CACNA1G: variants seen among roughly 807,000 people sequenced by gnomAD.
CACNA1G encodes the protein voltage-dependent T-type calcium channel subunit alpha-1G.
Under a neutral mutation model 219.4 loss-of-function variants are expected in CACNA1G, and 67 were observed. The observed-to-expected ratio is 0.31, with a 90% CI of 0.25 to 0.37. CACNA1G has a LOEUF of 0.37. Among genes scored for constraint, CACNA1G ranks in the 10% least tolerant of loss-of-function variants. The pLI, the probability that CACNA1G is intolerant of heterozygous loss-of-function variation, is 1.00. For synonymous variants in CACNA1G, 1,296 were observed against 1,345.3 expected (o/e 0.96, Z 0.80); for missense variants, 2,380 against 3,231.4 (o/e 0.74, Z 6.39).
intron 26 of CACNA1G, among the ~76,000 whole-genome samples, chr17:50,613,948 C>T (rs1038367163): frequency 1.2e-4 from 19 of 152,312 alleles, no homozygotes; most frequent in Middle Eastern, 3.4e-3. Flanking sequence ...CCACAGTTGG[C>T]TGGCCGATCT....
chr17:50,614,961 C>T (rs9898699), intron 26 of CACNA1G, among the ~76,000 whole-genome samples: 68,774 of 152,088 alleles, frequency 0.45, 16,769 homozygotes, highest in East Asian at 0.93. Context: ...TTTGCCTCCC[C>T]GTTGATGGCG....
chr17:50,626,408 A>C lies in CACNA1G; in HGVS notation c.6791A>C (p.Glu2264Ala). Residue 2264 changes from glutamate (E) to alanine (A), a missense_variant, in exon 38 of 38, where the codon GAG becomes GCG. By Grantham distance (107) the Glu-to-Ala change is moderately radical. Transcript: ENST00000359106. The surrounding 1 kb of genome is among the most constrained non-coding windows in gnomAD (Gnocchi z 4.3). Reference protein sequence around the residue: ...CQRRPTSWLDEQRRHSIAVSC... With the variant: ...CQRRPTSWLDAQRRHSIAVSC... ...CGCCGGCCTACGTCCTGGCTGGATG[A>C]GCAGAGGAGACACTCTATCGCCGTC... 6.2e-7 allele frequency: 1 copy of C among 1,610,874 alleles called. No homozygotes were observed.
chr17:50,592,300 T>C (rs978881567), intron 13 of CACNA1G, among the ~76,000 whole-genome samples: 1 of 152,092 alleles, frequency 6.6e-6, no homozygotes, highest in Admixed American at 6.5e-5. Context: ...GGGTGGTTGT[T>C]TGGGGTCCCT....
In CACNA1G at chr17:50,578,287, C is replaced by A. The variant is rs147741844; in HGVS notation, c.2024C>A (p.Ala675Glu). 6.3e-5 allele frequency: 101 copies of A among 1,613,022 alleles called. 1 individual carries two copies. The East Asian group carries it at 2.2e-3, about 35-fold the overall frequency. Residue 675 changes from alanine (A) to glutamate (E), a missense_variant, in exon 9 of 38, where the codon GCA (alanine) becomes GAA (glutamate). Around this residue, in one of 17 missense-constraint regions of CACNA1G, gnomAD observed 434 missense variants for 417.3 expected, o/e 1.04. Transcript: ENST00000359106. The surrounding 1 kb of genome is among the most constrained non-coding windows in gnomAD (Gnocchi z 4.5). ...TGCCCCTACTGTGCCCGGGCCGGGG[C>A]AGGGGAGGTGGAGCTCGCCGACCGT... ...DSCPYCARAGAGEVELADREM... is the reference protein window; with the variant it reads ...DSCPYCARAGEGEVELADREM...
intron 33 of CACNA1G, 138 bp from the exon 34 acceptor site, chr17:50,619,545 T>A: frequency 1.4e-5 from 8 of 553,482 alleles, no homozygotes; most frequent in South Asian, 2.0e-5. Flanking sequence ...TGTGTGCACA[T>A]GTGCATGTGT....
chr17:50,584,628 C>T (rs1014685767), intron 9 of CACNA1G, among the ~76,000 whole-genome samples: 38 of 86,778 alleles, frequency 4.4e-4, no homozygotes, highest in African/African-American at 1.6e-3. Flanking sequence ...AGGGGGGCGG[C>T]GGGGGAGCAC....
rs1328819668 is a variant in CACNA1G, at chr17:50,596,878, C to T, written c.3213C>T (p.Ser1071=). Reference sequence around the variant, plus strand: ...GCCCTGCGTCGCGCCGCACCAGCAGCAGCGGGTCGGCAGAGCCTGGGGCGG... The same window carrying T: ...GCCCTGCGTCGCGCCGCACCAGCAGTAGCGGGTCGGCAGAGCCTGGGGCGG... The part of the protein sequence containing the change: ...ALGPASRRTS[S]SGSAEPGAAH... The change falls in exon 16 of 38, where the codon AGC becomes AGT. Residue 1071 remains serine (S), a synonymous_variant. Transcript: ENST00000359106. The surrounding 1 kb of genome is among the most constrained non-coding windows in gnomAD (Gnocchi z 4.8). 1 of 1,589,148 alleles carries T rather than the reference C, an allele frequency of 6.3e-7. No individual in the cohort carries two copies. The highest frequency in any genetic ancestry group is 2.3e-5 in the East Asian group (1 of 43,696).
In CACNA1G at chr17:50,617,381, C is replaced by T; in HGVS notation, c.5022-57C>T. The T allele has an allele frequency of 6.4e-7, 1 of 1,565,348 alleles. No homozygotes were observed. Among genetic ancestry groups the T allele is most frequent in the Non-Finnish European group, 8.7e-7 (1 of 1,149,902 alleles). On this transcript the variant is annotated intron_variant, in intron 28 of 37. Coordinates refer to ENST00000359106, the MANE Select transcript of CACNA1G (RefSeq NM_018896.5). The surrounding 1 kb of genome is among the most constrained non-coding windows in gnomAD (Gnocchi z 5.8). ...CCCTGTCTTTCTGTGCCACGACTGC[C>T]CCCTCCTTCAGGAACCCCCTCCCCC... is the stretch of plus-strand genomic sequence containing the variant.
At chr17:50,623,625 A>T (rs891122334) in intron 35 of CACNA1G, among the ~76,000 whole-genome samples, 1 of 151,716 alleles carries the variant, frequency 6.6e-6, no homozygotes, top group African/African-American at 2.4e-5. Context: ...CTTAAAGGTG[A>T]TACAATGTGT....
intron 16 of CACNA1G, among the ~76,000 whole-genome samples, chr17:50,599,104 T>C (rs1021900929): frequency 6.6e-6 from 1 of 152,204 alleles, no homozygotes; most frequent in African/African-American, 2.4e-5. Context: ...TGCTGTTGAG[T>C]TGTGTTTCTT....
rs373610962 is a variant in CACNA1G at position 50,578,573 on chromosome 17, G to A, written c.2301+9G>A. ...TCGAATACCACGAGCAGGTAGGAGA[G>A]TGGGCAGAGGCAGGGCTCCTGCCAG... On this transcript the variant is annotated intron_variant, in intron 9 of 37. Coordinates refer to ENST00000359106, the MANE Select transcript of CACNA1G (RefSeq NM_018896.5). This position sits in a 1 kb window ranked among gnomAD's most constrained non-coding sequence, Gnocchi z 4.5. 3.7e-4 allele frequency: 567 copies of A among 1,536,498 alleles called. No individual in the cohort carries two copies. The highest frequency in any genetic ancestry group is 4.8e-4 in the Non-Finnish European group (549 of 1,141,046).
chr17:50,582,266 T>A (rs1304755486), intron 9 of CACNA1G, among the ~76,000 whole-genome samples: 1 of 151,548 alleles, frequency 6.6e-6, no homozygotes, highest in African/African-American at 2.4e-5. Flanking sequence ...GAAGGAAGAG[T>A]AGGACATAGC....
chr17:50,569,864 C>A, intron 4 of CACNA1G, 61 bp downstream of exon 4: 2 of 1,249,750 alleles, frequency 1.6e-6, no homozygotes, highest in Non-Finnish European at 2.3e-6. Flanking sequence ...GTGGAACTCT[C>A]AGACCCCACC....
At chr17:50,611,178 C>T (rs1233268167) in intron 26 of CACNA1G, among the ~76,000 whole-genome samples, 4 of 151,496 alleles carry the variant, frequency 2.6e-5, no homozygotes, top group Non-Finnish European at 4.4e-5. Context: ...CGCTTCAACC[C>T]GGGAGGCGGA....
chr17:50,609,774 C>A, intron 25 of CACNA1G, 108 bp from the exon 26 acceptor site: 1 of 920,126 alleles, frequency 1.1e-6, no homozygotes, highest in Non-Finnish European at 1.7e-6. Context: ...TCAGCGCACC[C>A]CACCCATAGG....
chr17:50,577,042 G>A (rs2040829523), intron 8 of CACNA1G, among the ~76,000 whole-genome samples: 1 of 152,188 alleles, frequency 6.6e-6, no homozygotes, highest in African/African-American at 2.4e-5. Context: ...GTGGCACGTG[G>A]GGAGCAGCGG....
rs949620545 is a variant in CACNA1G, at chr17:50,618,636, T to C, written c.5428-19T>C. 3.8e-6 allele frequency: 6 copies of C among 1,583,370 alleles called. No homozygotes were observed. The highest frequency in any genetic ancestry group is 1.3e-5 in the African/African-American group (1 of 74,226). ...CAACTGTCCTCCCCAGCCTCACCCC[T>C]CTATTCCACCCTCCCCAGGACACCC... On this transcript the variant is annotated intron_variant, in intron 32 of 37. Coordinates refer to ENST00000359106, the MANE Select transcript of CACNA1G (RefSeq NM_018896.5). The surrounding 1 kb of genome is among the most constrained non-coding windows in gnomAD (Gnocchi z 5.3).
At chr17:50,589,912 C>CTCTGTGTGTGTG (rs1326523232) in intron 9 of CACNA1G, among the ~76,000 whole-genome samples, 3 of 141,834 alleles carry the variant, frequency 2.1e-5, no homozygotes, top group African/African-American at 8.5e-5. Context: ...CTCTCTCTCT[C>CTCTGTGTGTGTG]TGTGTGTGTG....
rs115367975 is a variant in CACNA1G at position 50,592,463 on chromosome 17, G to A, written c.2910+371G>A. ...CACCCGGAGAGGACCCCTCTGAGCC[G>A]AGGGGTGCAGGAGGCTTGTGTGCAA... On this transcript the variant is annotated intron_variant, in intron 13 of 37. Coordinates refer to ENST00000359106, the MANE Select transcript of CACNA1G (RefSeq NM_018896.5). 4.8e-3 allele frequency among the ~76,000 whole-genome samples: 732 copies of A among 152,266 alleles called. 9 individuals are homozygous for A. The highest frequency in any genetic ancestry group is 0.016 in the African/African-American group (680 of 41,552).
Sources: allele counts gnomAD v4.1 joint callset (sites outside exome capture counted in the v4.1 genomes callset), GRCh38; gene constraint gnomAD v4.1.1; regional missense constraint gnomAD v4.1.1; non-coding constraint Gnocchi (gnomAD v3.1); transcripts MANE v1.5; gene names NCBI Gene and HGNC (gene_info 2026-07-23, HGNC 2026-07-21).